The following SCART1 variants were observed in gnomAD, a reference collection of about 807,000 sequenced individuals.
The protein encoded by SCART1 is scavenger receptor cysteine-rich domain-containing protein SCART1.
In SCART1, 62 loss-of-function variants were observed where a neutral mutation model predicts 36.2. That is an observed-to-expected ratio of 1.71 (90% CI 1.40 to 2.12). The LOEUF (loss-of-function observed/expected upper bound fraction) is 2.12. SCART1 is among the 30% of genes most tolerant of loss of function. The pLI, the probability that SCART1 is intolerant of heterozygous loss-of-function variation, is 0.00. For synonymous variants in SCART1, 487 were observed against 238.7 expected, an observed-to-expected ratio of 2.04 and a Z score of -9.59; for missense variants, 1,041 against 540.5, an observed-to-expected ratio of 1.93 and a Z score of -9.18.
intron 6 of SCART1, among the ~76,000 whole-genome samples, chr10:133,461,870 T>G (rs538804469): frequency 6.6e-6 from 1 of 152,334 alleles, no homozygotes; most frequent in African/African-American, 2.4e-5. Context: ...TGCTCTCTGG[T>G]TTGCAGCATT....
intron 6 of SCART1, 95 bp downstream of exon 6, chr10:133,460,265 G>A: frequency 2.5e-6 from 1 of 402,026 alleles, no homozygotes; most frequent in Non-Finnish European, 4.4e-6. Context: ...ATCGGGAGCT[G>A]TTCTCTTCCC....
At chr10:133,454,718 G>C (rs1265140723) in intron 1 of SCART1, among the ~76,000 whole-genome samples, 3 of 152,128 alleles carry the variant, frequency 2.0e-5, no homozygotes, top group Non-Finnish European at 2.9e-5. Context: ...ACACTTCACT[G>C]TCAAGGCTGG....
intron 9 of SCART1, 107 bp downstream of exon 9, chr10:133,465,672 A>G (rs1850757405): frequency 1.7e-6 from 1 of 602,104 alleles, no homozygotes; most frequent in Admixed American, 2.9e-5. Context: ...CCCAGGTGTT[A>G]GTGGGTTGGT....
At chr10:133,464,886 C>T (rs184169301) in exon 7 of SCART1, 6 of 702,900 alleles carry the variant, frequency 8.5e-6, no homozygotes, top group East Asian at 5.4e-5. Flanking sequence ...CCATGGCACC[C>T]GCACTCTTGC....
exon 10 of SCART1, chr10:133,466,374 G>A: frequency 1.4e-6 from 1 of 702,756 alleles, no homozygotes; most frequent in Non-Finnish European, 2.6e-6. Context: ...CACAAGCCAT[G>A]CAGAGGGGTA....
At chr10:133,463,596 C>T (rs746078073) in intron 6 of SCART1, among the ~76,000 whole-genome samples, 5 of 149,894 alleles carry the variant, frequency 3.3e-5, no homozygotes, top group Non-Finnish European at 7.4e-5. Flanking sequence ...ATAATGTCCT[C>T]CAGGTTCATC....
In SCART1 at chr10:133,467,373, CA is replaced by C. The variant is rs1564836382; in HGVS notation, c.2962+21del. ...CCGCAGGTGGGTTTGTGCTCCAGCT[CA>C]GGGGTGAGCTCTGGGGTGGGCTACG... is the stretch of plus-strand genomic sequence containing the variant. On this transcript the variant is annotated intron_variant, in intron 11 of 11. Transcript: ENST00000640237. 1 of 693,938 alleles carries C rather than the reference CA, an allele frequency of 1.4e-6. No individual in the cohort carries two copies. The highest frequency in any genetic ancestry group is 2.7e-5 in the East Asian group (1 of 37,174). The allele number at this position is 693,938 out of a possible 1,614,324, so 43.0% of individuals were successfully genotyped here. A position where few individuals can be genotyped will look rare whatever the true frequency, so the allele number is the denominator to read the frequency against.
chr10:133,460,056 T>C, exon 6 of SCART1: 1 of 511,354 alleles, frequency 2.0e-6, no homozygotes. Context: ...AGGGCGCATC[T>C]GGCTGGACGA....
At chr10:133,465,174 G>C (rs1232792767) in exon 8 of SCART1, 1 of 703,060 alleles carries the variant, frequency 1.4e-6, no homozygotes, top group East Asian at 2.7e-5. Flanking sequence ...CGGCTGCCCA[G>C]GTACCCCTCT....
exon 2 of SCART1, chr10:133,456,260 G>T (rs1050629786): frequency 1.4e-6 from 1 of 702,724 alleles, no homozygotes; most frequent in Non-Finnish European, 2.6e-6. Flanking sequence ...TCTGAGGCTG[G>T]CGTACAGACA....
intron 7 of SCART1, 61 bp from the exon 8 acceptor site, chr10:133,465,045 A>T (rs557979124): frequency 2.8e-6 from 2 of 701,936 alleles, no homozygotes; most frequent in African/African-American, 1.7e-5. Flanking sequence ...TAGGATCCAC[A>T]GCCTTCCTTG....
At chr10:133,457,533 A>G (rs1307812540) in exon 3 of SCART1, 1 of 702,230 alleles carries the variant, frequency 1.4e-6, no homozygotes, top group East Asian at 2.7e-5. Flanking sequence ...CAACTTCCGC[A>G]GCGGCTGCGA....
chr10:133,461,020 G>A (rs1850695538), intron 6 of SCART1, among the ~76,000 whole-genome samples: 1 of 152,160 alleles, frequency 6.6e-6, no homozygotes, highest in African/African-American at 2.4e-5. Context: ...ACAGGTGTGA[G>A]CCACCGCACC....
exon 4 of SCART1, chr10:133,458,603 G>A (rs571018548): frequency 1.5e-4 from 104 of 696,368 alleles, no homozygotes; most frequent in Non-Finnish European, 2.4e-4. Flanking sequence ...CACTGCCCAC[G>A]GGGGCGTGGG....
rs181070443 is a variant in SCART1 at position 133,454,846 on chromosome 10, G to T, written c.67+782G>T. 3.9e-5 allele frequency among the ~76,000 whole-genome samples: 6 copies of T among 152,296 alleles called. No individual in the cohort carries two copies. The East Asian group carries it at 7.7e-4, about 20-fold the overall frequency. On this transcript the variant is annotated intron_variant, in intron 1 of 11. Transcript: ENST00000640237. ...GAGGAGGTTAGGATTTGAAGGAAAG[G>T]CAGCAATGTGGCCACAGATGGATGG...
chr10:133,462,923 T>C (rs1401490766), intron 6 of SCART1, among the ~76,000 whole-genome samples: 1 of 152,228 alleles, frequency 6.6e-6, no homozygotes, highest in Non-Finnish European at 1.5e-5. Flanking sequence ...ATGGACACTT[T>C]TGTATTCTAT....
chr10:133,462,283 G>GT (rs1381653695), intron 6 of SCART1, among the ~76,000 whole-genome samples: 1 of 152,204 alleles, frequency 6.6e-6, no homozygotes, highest in African/African-American at 2.4e-5. Flanking sequence ...AACTTTGATT[G>GT]TTTTGGGAAA....
chr10:133,464,841 T>C (rs1312022990), exon 7 of SCART1: 3 of 702,892 alleles, frequency 4.3e-6, no homozygotes, highest in Non-Finnish European at 7.8e-6. Flanking sequence ...TGCCGCAGGC[T>C]GCCCAACTCC....
In SCART1 at chr10:133,467,851, AG is replaced by A; in HGVS notation, c.2971del (p.Glu991ArgfsTer35). ...ACGCGGTGTCTCTTGCGCCAGTTTC[AG>A]GGGAGGTGTCTAACCTCCTGGAGGG... is the stretch of plus-strand genomic sequence containing the variant. On this transcript the variant is annotated frameshift_variant, in exon 12 of 12. Coordinates refer to ENST00000640237, the Ensembl canonical transcript of SCART1. LOFTEE classifies it high-confidence loss of function. 1 of 681,602 alleles carries A rather than the reference AG, an allele frequency of 1.5e-6. No homozygotes were observed. The highest frequency in any genetic ancestry group is 1.5e-5 in the South Asian group (1 of 65,344). 42.2% of individuals were successfully genotyped at this position (681,602 alleles called of 1,614,324 possible).
Sources: gnomAD v4.1 joint callset for allele counts (sites outside exome capture counted in the v4.1 genomes callset) on GRCh38, gnomAD v4.1.1 for gene constraint, MANE v1.5 for transcripts, NCBI Gene and HGNC (gene_info 2026-07-23, HGNC 2026-07-21) for gene names.